The following SORCS3 variants were observed in gnomAD, a reference collection of about 807,000 sequenced individuals.
The protein encoded by SORCS3 is VPS10 domain-containing receptor SorCS3.
In SORCS3, 57 loss-of-function variants were observed where a neutral mutation model predicts 146.3. The ratio of observed to expected loss-of-function variants is 0.39; its 90% CI spans 0.31 to 0.49. SORCS3 has a LOEUF of 0.49. Ranked by LOEUF, SORCS3 falls within the 20% of genes least tolerant of loss-of-function variation. The pLI, the probability that SORCS3 is intolerant of heterozygous loss-of-function variation, is 0.92. For synonymous variants in SORCS3, 653 were observed against 618.5 expected (o/e 1.06, Z -0.83); for missense variants, 1,341 against 1,575.5 (o/e 0.85, Z 2.52).
chr10:105,129,331 C>CTCTTTTT (rs1172062304), intron 7 of SORCS3, among the ~76,000 whole-genome samples: 2 of 104,634 alleles, frequency 1.9e-5, no homozygotes, highest in African/African-American at 3.9e-5. Context: ...CTTTCTTTCT[C>CTCTTTTT]TTTTTTTTTT....
intron 6 of SORCS3, among the ~76,000 whole-genome samples, chr10:105,099,061 C>T (rs558057712): frequency 1.4e-4 from 22 of 152,260 alleles, no homozygotes; most frequent in Non-Finnish European, 2.5e-4. Context: ...TTTTTAGAAT[C>T]GATTATGCTT....
chr10:104,862,000 T>C (rs1030628447), intron 2 of SORCS3, among the ~76,000 whole-genome samples: 3 of 152,194 alleles, frequency 2.0e-5, no homozygotes, highest in Non-Finnish European at 2.9e-5. Context: ...CCAATCCTAT[T>C]GGATCAGGAG....
intron 1 of SORCS3, among the ~76,000 whole-genome samples, chr10:104,797,575 A>G (rs2017571476): frequency 6.6e-6 from 1 of 152,188 alleles, no homozygotes; most frequent in Admixed American, 6.5e-5. Context: ...TTGTTTGACT[A>G]CTATGTGCCT....
chr10:105,185,271 T>C (rs945039162), intron 14 of SORCS3, among the ~76,000 whole-genome samples: 5 of 152,222 alleles, frequency 3.3e-5, no homozygotes, highest in African/African-American at 9.6e-5. Context: ...TTCATGGGGC[T>C]CACAGTGACT....
intron 1 of SORCS3, among the ~76,000 whole-genome samples, chr10:104,718,003 A>G (rs1024503175): frequency 6.6e-6 from 1 of 152,036 alleles, no homozygotes; most frequent in African/African-American, 2.4e-5. Context: ...AAAATTAGCC[A>G]GGCATGGTGG....
intron 25 of SORCS3, among the ~76,000 whole-genome samples, chr10:105,260,550 A>G (rs1038840757): frequency 6.6e-6 from 1 of 152,232 alleles, no homozygotes; most frequent in Non-Finnish European, 1.5e-5. Context: ...CCTTTAGTGT[A>G]TGGAAAGCAA....
At chr10:104,696,712 TA>T (rs2016218297) in intron 1 of SORCS3, among the ~76,000 whole-genome samples, 1 of 81,792 alleles carries the variant, frequency 1.2e-5, no homozygotes, top group Non-Finnish European at 2.1e-5. Context: ...TACGTATATA[TA>T]ATATATAACA....
intron 1 of SORCS3, among the ~76,000 whole-genome samples, chr10:104,748,389 T>G (rs1293237326): frequency 6.6e-6 from 1 of 152,198 alleles, no homozygotes; most frequent in Non-Finnish European, 1.5e-5. Context: ...TATCAGTATA[T>G]CAGTTCAGTT....
At chr10:104,922,462 A>C (rs1286735055) in intron 3 of SORCS3, among the ~76,000 whole-genome samples, 1 of 152,172 alleles carries the variant, frequency 6.6e-6, no homozygotes, top group African/African-American at 2.4e-5. Context: ...ATTCGGATGC[A>C]TGCAGGGGCC....
intron 2 of SORCS3, among the ~76,000 whole-genome samples, chr10:104,857,284 G>C (rs2018345120): frequency 6.6e-6 from 1 of 152,064 alleles, no homozygotes; most frequent in South Asian, 2.1e-4. Context: ...GCCAGACTGA[G>C]CAGTTTGAAA....
chr10:104,739,566 G>C (rs2016816415), intron 1 of SORCS3, among the ~76,000 whole-genome samples: 1 of 152,214 alleles, frequency 6.6e-6, no homozygotes, highest in Non-Finnish European at 1.5e-5. Flanking sequence ...CAGAGGCCAT[G>C]TCTACAACTC....
At chr10:104,908,802 TTG>T (rs1255616548) in intron 2 of SORCS3, among the ~76,000 whole-genome samples, 1 of 152,176 alleles carries the variant, frequency 6.6e-6, no homozygotes, top group Non-Finnish European at 1.5e-5. Flanking sequence ...GGAAAGATCT[TTG>T]TAGTACAATG....
intron 3 of SORCS3, among the ~76,000 whole-genome samples, chr10:104,965,968 G>A (rs2054824239): frequency 1.3e-5 from 2 of 152,068 alleles, no homozygotes; most frequent in South Asian, 4.1e-4. Flanking sequence ...GACAGGATAT[G>A]TATAAGCATA....
At chr10:105,188,061 A>G (rs2056490643) in intron 14 of SORCS3, among the ~76,000 whole-genome samples, 1 of 152,022 alleles carries the variant, frequency 6.6e-6, no homozygotes, top group African/African-American at 2.4e-5. Flanking sequence ...GGGGAGATAG[A>G]TAGTGCTAAG....
chr10:105,184,260 C>G (rs2056461483), intron 14 of SORCS3, among the ~76,000 whole-genome samples: 2 of 152,196 alleles, frequency 1.3e-5, no homozygotes, highest in Non-Finnish European at 2.9e-5. Flanking sequence ...AGTATGGAGA[C>G]AAATGGGCAT....
At chr10:105,137,496 T>TA (rs5787565) in intron 7 of SORCS3, among the ~76,000 whole-genome samples, 29,170 of 149,494 alleles carry the variant, frequency 0.2, 2,989 homozygotes, top group Admixed American at 0.25. Context: ...CACCTCAAAT[T>TA]AAAAAAAAAA....
At chr10:104,903,673 G>A (rs898729472) in intron 2 of SORCS3, among the ~76,000 whole-genome samples, 12 of 152,200 alleles carry the variant, frequency 7.9e-5, no homozygotes, top group Non-Finnish European at 1.5e-4. Context: ...TAGCCTCCAT[G>A]ACTCTCTTCA....
At chr10:104,953,356 GA>G (rs1372247642) in intron 3 of SORCS3, among the ~76,000 whole-genome samples, 3 of 152,216 alleles carry the variant, frequency 2.0e-5, no homozygotes, top group African/African-American at 7.2e-5. Context: ...CAAGGAACTG[GA>G]AGCAAGAAAA....
At chr10:104,999,933 CCT>C in intron 4 of SORCS3, among the ~76,000 whole-genome samples, 1 of 152,220 alleles carries the variant, frequency 6.6e-6, no homozygotes, top group East Asian at 1.9e-4. Context: ...TCTGTGACTA[CCT>C]GCCTTTTACT....
Sources: allele counts gnomAD v4.1 joint callset (sites outside exome capture counted in the v4.1 genomes callset), GRCh38; gene constraint gnomAD v4.1.1; transcripts MANE v1.5; gene names NCBI Gene and HGNC (gene_info 2026-07-23, HGNC 2026-07-21).